The following DCLK2 variants were observed in gnomAD, a reference collection of about 807,000 sequenced individuals.
The protein encoded by DCLK2 is serine/threonine-protein kinase DCLK2.
In DCLK2, 31 loss-of-function variants were observed where a neutral mutation model predicts 78.4. The ratio of observed to expected loss-of-function variants is 0.40; its 90% CI spans 0.30 to 0.53. The LOEUF (loss-of-function observed/expected upper bound fraction) is 0.53, where lower values mean the gene tolerates loss of function less well. Among genes scored for constraint, DCLK2 ranks in the 20% least tolerant of loss-of-function variants. DCLK2 has a pLI of 0.61. For missense variants in DCLK2, 872 were observed against 973.7 expected, an observed-to-expected ratio of 0.90 and a Z score of 1.39; for synonymous variants, 407 against 374.9, an observed-to-expected ratio of 1.09 and a Z score of -0.99.
chr4:150,111,021 A>C (rs193194130), intron 2 of DCLK2, among the ~76,000 whole-genome samples: 52 of 152,298 alleles, frequency 3.4e-4, no homozygotes, highest in African/African-American at 1.2e-3. Flanking sequence ...TGTTGGATCA[A>C]ATGGTAGATC....
chr4:150,242,761 T>C (rs1743020715), intron 12 of DCLK2, among the ~76,000 whole-genome samples: 1 of 152,228 alleles, frequency 6.6e-6, no homozygotes, highest in South Asian at 2.1e-4. Context: ...TCACACTTGA[T>C]GTGCCGTTAA....
At chr4:150,159,919 T>A (rs1735582325) in intron 2 of DCLK2, among the ~76,000 whole-genome samples, 1 of 151,882 alleles carries the variant, frequency 6.6e-6, no homozygotes, top group Non-Finnish European at 1.5e-5. Context: ...ATCCAGCATA[T>A]AAAAGGTAAT....
At chr4:150,219,773 T>C (rs76336573) in intron 5 of DCLK2, among the ~76,000 whole-genome samples, 3,134 of 152,286 alleles carry the variant, frequency 0.021, 110 homozygotes, top group African/African-American at 0.071. Context: ...TAAGTAACTT[T>C]TGAAAGATAA....
chr4:150,091,695 G>A lies in DCLK2; in HGVS notation c.422-10783G>A, dbSNP rs1580481534. Among the ~76,000 whole-genome samples, 3 of 151,692 alleles carry A rather than the reference G, an allele frequency of 2.0e-5. No homozygotes were observed. The South Asian group carries it at 6.2e-4, about 32-fold the overall frequency. On this transcript the variant is annotated intron_variant, in intron 1 of 15. Transcript: ENST00000296550. ...CTTTATAGTAACTGATAGAAAAGTA[G>A]CCTAAAACTGCTATTGTTAAAATTT...
intron 10 of DCLK2, among the ~76,000 whole-genome samples, chr4:150,239,497 G>A (rs1742746656): frequency 1.3e-5 from 2 of 151,974 alleles, no homozygotes; most frequent in Non-Finnish European, 2.9e-5. Flanking sequence ...ACTTGTTGGG[G>A]GTTCCGTGGG....
chr4:150,250,913 A>C (rs1455397440), intron 15 of DCLK2, among the ~76,000 whole-genome samples: 1 of 17,574 alleles, frequency 5.7e-5, no homozygotes, highest in South Asian at 2.6e-3. Flanking sequence ...CCACATCCCC[A>C]CACACCACAA....
intron 2 of DCLK2, among the ~76,000 whole-genome samples, chr4:150,111,107 T>C (rs1489782444): frequency 6.6e-6 from 1 of 152,198 alleles, no homozygotes; most frequent in Admixed American, 6.5e-5. Flanking sequence ...ACAAGCATTG[T>C]ATAAGTATTC....
At chr4:150,158,337 A>C (rs1324804333) in intron 2 of DCLK2, among the ~76,000 whole-genome samples, 1 of 152,210 alleles carries the variant, frequency 6.6e-6, no homozygotes, top group African/African-American at 2.4e-5. Context: ...TGTGTCTCTA[A>C]ATACAGTCAC....
intron 2 of DCLK2, among the ~76,000 whole-genome samples, chr4:150,126,486 A>G (rs1397749077): frequency 2.0e-5 from 3 of 152,256 alleles, no homozygotes; most frequent in Non-Finnish European, 4.4e-5. Flanking sequence ...AGGAGGTGAC[A>G]GATTTGTTAA....
intron 5 of DCLK2, among the ~76,000 whole-genome samples, chr4:150,208,231 A>T (rs1739995215): frequency 6.6e-6 from 1 of 152,202 alleles, no homozygotes; most frequent in Non-Finnish European, 1.5e-5. Context: ...AAACCAAAAG[A>T]GGGGCTAAGC....
intron 1 of DCLK2, among the ~76,000 whole-genome samples, chr4:150,085,223 G>A (rs962698857): frequency 6.6e-6 from 1 of 152,142 alleles, no homozygotes; most frequent in African/African-American, 2.4e-5. Flanking sequence ...GAGAGGAAAT[G>A]GAGTCCATTC....
intron 2 of DCLK2, among the ~76,000 whole-genome samples, chr4:150,103,337 G>A (rs1365957206): frequency 1.3e-5 from 2 of 152,110 alleles, no homozygotes; most frequent in African/African-American, 4.8e-5. Flanking sequence ...TAATTAGTGA[G>A]CATTTTTGAA....
rs1744574657 is a variant in DCLK2, at chr4:150,256,404, G to C, written c.*157G>C. 1.3e-5 allele frequency: 13 copies of C among 1,022,796 alleles called. No individual in the cohort carries two copies. In the South Asian group the frequency reaches 2.1e-4, roughly 17 times the overall value. The allele number at this position is 1,022,796 out of a possible 1,614,324, so 63.4% of individuals were successfully genotyped here. A position where few individuals can be genotyped will look rare whatever the true frequency, so the allele number is the denominator to read the frequency against. On this transcript the variant is annotated 3_prime_UTR_variant, in exon 16 of 16. Coordinates refer to ENST00000296550, the MANE Select transcript of DCLK2 (RefSeq NM_001040260.4). ...CCGCCTGGGAACCGGAGCCTGGCGT[G>C]CCGGAGCCTGGCCTGGTGCTCTGGG...
chr4:150,124,411 A>G (rs1732780679), intron 2 of DCLK2, among the ~76,000 whole-genome samples: 1 of 152,126 alleles, frequency 6.6e-6, no homozygotes, highest in Non-Finnish European at 1.5e-5. Context: ...ATATTTGAAA[A>G]TATTGTTCTT....
chr4:150,224,120 A>T (rs1741412892), intron 7 of DCLK2, among the ~76,000 whole-genome samples: 1 of 152,182 alleles, frequency 6.6e-6, no homozygotes, highest in African/African-American at 2.4e-5. Flanking sequence ...TATTATAGTT[A>T]ATATTTATGA....
rs374813761 is a variant in DCLK2 at position 150,220,760 on chromosome 4, C to T, written c.1114C>T (p.Arg372Cys). The T allele has an allele frequency of 2.5e-5, 41 of 1,613,556 alleles. No homozygotes were observed. The East Asian group carries it at 3.3e-4, about 13-fold the overall frequency. The change falls in exon 6 of 16, where the codon CGT (arginine) becomes TGT (cysteine). Residue 372 changes from arginine to cysteine, a missense_variant. Physicochemically the swap from Arg to Cys is radical, Grantham distance 180. Around this residue, in one of 3 missense-constraint regions of DCLK2, gnomAD observed 567 missense variants for 593.4 expected, o/e 0.96. Coordinates refer to ENST00000296550, the MANE Select transcript of DCLK2 (RefSeq NM_001040260.4). ...SNVNGGPELD[R>C]CISPEGVNGN... is the part of the protein sequence containing the mutation. ...TGTAAACGGTGGACCTGAGCTTGAC[C>T]GTTGCATAAGTCCTGAAGGTAGTTC...
intron 15 of DCLK2, chr4:150,253,571 G>A (rs1468888517): frequency 3.1e-6 from 4 of 1,289,602 alleles, no homozygotes; most frequent in Admixed American, 4.6e-5. Flanking sequence ...TCACCACGCT[G>A]CGTCCGACCA....
chr4:150,108,816 A>G (rs1052213922), intron 2 of DCLK2, among the ~76,000 whole-genome samples: 1 of 152,166 alleles, frequency 6.6e-6, no homozygotes, highest in Non-Finnish European at 1.5e-5. Flanking sequence ...AAAGAAACAT[A>G]TTTTGTGGAA....
chr4:150,249,824 A>G, intron 15 of DCLK2, 140 bp downstream of exon 15: 1 of 728,436 alleles, frequency 1.4e-6, no homozygotes, highest in Non-Finnish European at 2.4e-6. Context: ...TGGCATGTGG[A>G]GGGCACTCAT....
Sources: allele counts gnomAD v4.1 joint callset (sites outside exome capture counted in the v4.1 genomes callset), GRCh38; gene constraint gnomAD v4.1.1; regional missense constraint gnomAD v4.1.1; transcripts MANE v1.5; gene names NCBI Gene and HGNC (gene_info 2026-07-23, HGNC 2026-07-21).